PRKCQ: variants seen among roughly 807,000 people sequenced by gnomAD.
PRKCQ encodes the protein protein kinase C theta.
Under a neutral mutation model 91.2 loss-of-function variants are expected in PRKCQ, and 41 were observed. The ratio of observed to expected loss-of-function variants is 0.45; its 90% CI spans 0.35 to 0.58. PRKCQ has a LOEUF of 0.58. Among genes scored for constraint, PRKCQ ranks in the 20% least tolerant of loss-of-function variants. The pLI, the probability that PRKCQ is intolerant of heterozygous loss-of-function variation, is 0.00. For missense variants in PRKCQ, 673 were observed against 896.5 expected, an observed-to-expected ratio of 0.75 and a Z score of 3.18; for synonymous variants, 307 against 316.9, an observed-to-expected ratio of 0.97 and a Z score of 0.33.
At position 6,427,482 on chromosome 10, in the gene PRKCQ, T is replaced by C. The variant is rs547919998; in HGVS notation, c.*725A>G. On this transcript the variant is annotated 3_prime_UTR_variant, in exon 18 of 18. Transcript: ENST00000263125. The stretch of plus-strand genomic sequence containing the variant: ...CTGGAGTCTGCTGAGAATGGGTGGA[T>C]GGAAAGGTTTTTACTGGCAAGGGTG... The C allele has an allele frequency of 6.6e-6, 1 of 152,406 alleles. No individual in the cohort carries two copies. The highest frequency in any genetic ancestry group is 1.9e-4 in the East Asian group (1 of 5,182). The allele number at this position is 152,406 out of a possible 1,614,324, so 9.4% of individuals were successfully genotyped here. A position where few individuals can be genotyped will look rare whatever the true frequency, so the allele number is the denominator to read the frequency against.
chr10:6,576,105 G>A lies in PRKCQ; in HGVS notation c.-10+4106C>T, dbSNP rs558820495. ...ATAATTGGGACCCTTTCTACCACTG[G>A]TGGGAATGTAAAACGGTCCAGCCAC... On this transcript the variant is annotated intron_variant, in intron 1 of 17. Coordinates refer to ENST00000263125, the MANE Select transcript of PRKCQ (RefSeq NM_006257.5). The surrounding 1 kb of genome is among the most constrained non-coding windows in gnomAD (Gnocchi z 4.2). 3.9e-4 allele frequency among the ~76,000 whole-genome samples: 59 copies of A among 152,094 alleles called. No homozygotes were observed. The highest frequency in any genetic ancestry group is 7.8e-4 in the Non-Finnish European group (53 of 68,014).
chr10:6,457,701 C>T (rs1835086646), intron 14 of PRKCQ, among the ~76,000 whole-genome samples: 1 of 152,170 alleles, frequency 6.6e-6, no homozygotes, highest in African/African-American at 2.4e-5. Flanking sequence ...CTGATTGGTG[C>T]AGGTTACAGC....
At chr10:6,418,955 A>ATATCTATCTATCTATC in the PRKCQ span, among the ~76,000 whole-genome samples, 2 of 147,084 alleles carry the variant, frequency 1.4e-5, no homozygotes, top group African/African-American at 2.5e-5. Flanking sequence ...ATCTTATCTA[A>ATATCTATCTATCTATC]TATCTATCTA....
chr10:6,530,557 G>C (rs1839356952), intron 1 of PRKCQ, among the ~76,000 whole-genome samples: 2 of 152,224 alleles, frequency 1.3e-5, no homozygotes, highest in Non-Finnish European at 2.9e-5. Flanking sequence ...AGGGGGGGTT[G>C]TTGCAAATAG....
the PRKCQ span, among the ~76,000 whole-genome samples, chr10:6,401,837 G>A: frequency 6.6e-6 from 1 of 152,254 alleles, no homozygotes; most frequent in Non-Finnish European, 1.5e-5. Flanking sequence ...ATTAAAGGCA[G>A]AATACACATC....
downstream of PRKCQ, among the ~76,000 whole-genome samples, chr10:6,423,091 G>T (rs1378059403): frequency 6.6e-6 from 1 of 152,210 alleles, no homozygotes; most frequent in East Asian, 1.9e-4. Context: ...GCAACAGCTG[G>T]TGTGGTCAGC....
intron 1 of PRKCQ, among the ~76,000 whole-genome samples, chr10:6,534,785 TATATATAG>T (rs1183524454): frequency 3.4e-5 from 5 of 145,736 alleles, no homozygotes; most frequent in African/African-American, 1.0e-4. Flanking sequence ...TATATATATA[TATATATAG>T]ATATATATAT....
At chr10:6,444,864 C>T (rs1266312500) in intron 15 of PRKCQ, among the ~76,000 whole-genome samples, 2 of 152,100 alleles carry the variant, frequency 1.3e-5, no homozygotes, top group Non-Finnish European at 2.9e-5. Context: ...ACAATTCCAG[C>T]CATTCTCCCA....
At chr10:6,573,780 C>A (rs929444972) in intron 1 of PRKCQ, among the ~76,000 whole-genome samples, 1 of 152,088 alleles carries the variant, frequency 6.6e-6, no homozygotes. Context: ...AAGAAAAACC[C>A]AAAAGATGTG....
At chr10:6,489,069 C>T (rs1307180990) in intron 8 of PRKCQ, among the ~76,000 whole-genome samples, 3 of 152,168 alleles carry the variant, frequency 2.0e-5, no homozygotes, top group Non-Finnish European at 4.4e-5. Flanking sequence ...AGGTCTGTTA[C>T]CGTGCCCGGC....
chr10:6,458,571 A>G (rs1391834252), intron 14 of PRKCQ, among the ~76,000 whole-genome samples: 1 of 152,154 alleles, frequency 6.6e-6, no homozygotes, highest in Non-Finnish European at 1.5e-5. Flanking sequence ...TAACGGAGGC[A>G]AAGCTTTTCT....
At chr10:6,499,054 G>A (rs1193470572) in intron 4 of PRKCQ, among the ~76,000 whole-genome samples, 3 of 152,190 alleles carry the variant, frequency 2.0e-5, no homozygotes, top group African/African-American at 4.8e-5. Flanking sequence ...GAGACATGCT[G>A]GAGTAGACTA....
chr10:6,499,774 G>T (rs1392579383), intron 4 of PRKCQ, among the ~76,000 whole-genome samples: 2 of 152,200 alleles, frequency 1.3e-5, no homozygotes, highest in Admixed American at 6.5e-5. Context: ...AGTGGCAGTA[G>T]CCTGACAATG....
At chr10:6,553,307 T>G (rs1840260888) in intron 1 of PRKCQ, among the ~76,000 whole-genome samples, 1 of 151,850 alleles carries the variant, frequency 6.6e-6, no homozygotes, top group South Asian at 2.1e-4. Flanking sequence ...CTGGGCAACA[T>G]AGCAAAATCC....
chr10:6,560,614 A>C (rs539897675), intron 1 of PRKCQ, among the ~76,000 whole-genome samples: 1 of 152,316 alleles, frequency 6.6e-6, no homozygotes, highest in East Asian at 1.9e-4. Flanking sequence ...TTTCAGGCCT[A>C]ATGCTTACAT....
At chr10:6,429,521 C>T (rs1331797649) in intron 17 of PRKCQ, among the ~76,000 whole-genome samples, 1 of 152,084 alleles carries the variant, frequency 6.6e-6, no homozygotes, top group Non-Finnish European at 1.5e-5. Flanking sequence ...GACTAATAGC[C>T]TGTGCGTTCT....
At chr10:6,518,196 A>G (rs1467964831) in intron 1 of PRKCQ, among the ~76,000 whole-genome samples, 1 of 152,248 alleles carries the variant, frequency 6.6e-6, no homozygotes, top group Non-Finnish European at 1.5e-5. Context: ...TTCAAAAACC[A>G]AAAGAAAAGA....
intron 15 of PRKCQ, among the ~76,000 whole-genome samples, chr10:6,448,277 G>A (rs1834435774): frequency 6.6e-6 from 1 of 152,236 alleles, no homozygotes; most frequent in South Asian, 2.1e-4. Context: ...TGGTTGCACA[G>A]GGAAGGGAAC....
chr10:6,474,924 T>C (rs1011285935), intron 12 of PRKCQ, among the ~76,000 whole-genome samples: 14 of 152,192 alleles, frequency 9.2e-5, no homozygotes, highest in Non-Finnish European at 1.8e-4. Flanking sequence ...GATCGTGCAA[T>C]TTCAAGCCCT....
Sources: gnomAD v4.1 joint callset for allele counts (sites outside exome capture counted in the v4.1 genomes callset) on GRCh38, gnomAD v4.1.1 for gene constraint, Gnocchi (gnomAD v3.1) non-coding constraint, MANE v1.5 for transcripts, NCBI Gene and HGNC (gene_info 2026-07-23, HGNC 2026-07-21) for gene names.